Variants in RASSF3 observed in about 807,000 individuals in gnomAD.
RASSF3 encodes the protein Ras association domain family member 3.
In RASSF3, 19 loss-of-function variants were observed where a neutral mutation model predicts 19.9. That is an observed-to-expected ratio of 0.96 (90% CI 0.67 to 1.40). The LOEUF is 1.40. Among genes scored for constraint, RASSF3 ranks in the 40% most tolerant of loss-of-function variants. RASSF3 has a pLI of 0.00. For synonymous variants in RASSF3, 110 were observed against 104.2 expected, an observed-to-expected ratio of 1.06 and a Z score of -0.34; for missense variants, 306 against 289.8, an observed-to-expected ratio of 1.06 and a Z score of -0.41.
At chr12:64,562,945 T>G (rs1163757058) in intron 2 of RASSF3, among the ~76,000 whole-genome samples, 4 of 151,794 alleles carry the variant, frequency 2.6e-5, no homozygotes, top group Non-Finnish European at 5.9e-5. Flanking sequence ...TCTCTTTTTC[T>G]TACACCCCAA....
At chr12:64,608,258 C>T (rs1178676407), upstream of RASSF3, among the ~76,000 whole-genome samples, 2 of 151,984 alleles carry the variant, frequency 1.3e-5, no homozygotes, top group South Asian at 4.1e-4. Context: ...TAATCCAGTC[C>T]TTTGGAGCTT....
At chr12:64,620,450 A>AT (rs1053639533) in intron 1 of RASSF3, among the ~76,000 whole-genome samples, 1 of 152,166 alleles carries the variant, frequency 6.6e-6, no homozygotes, top group African/African-American at 2.4e-5. Flanking sequence ...ACTTTTTGCG[A>AT]TATATACCCA....
At chr12:64,508,547 T>C (rs1481438330) in intron 1 of RASSF3, among the ~76,000 whole-genome samples, 3 of 150,322 alleles carry the variant, frequency 2.0e-5, no homozygotes, top group Non-Finnish European at 4.4e-5. Flanking sequence ...GAAGTGACTA[T>C]GATCTATAAT....
Position 64,667,430 on chromosome 12 carries a change from G to A in RASSF3, c.112-17357G>A, listed in dbSNP as rs936929933. Among the ~76,000 whole-genome samples the A allele has an allele frequency of 2.6e-5, 4 of 152,178 alleles. No homozygotes were observed. In the South Asian group the frequency reaches 6.2e-4, roughly 24 times the overall value. On this transcript the variant is annotated intron_variant, in intron 1 of 4. Transcript: ENST00000542104. ...TAGCCTCTGCCTCCCAGGTTCAAGC[G>A]ATTCTCCCGCCTCAGCCTCCCAAAG...
chr12:64,665,188 G>A lies in RASSF3; in HGVS notation c.112-19599G>A, dbSNP rs530501897. Among the ~76,000 whole-genome samples, 12 of 152,212 alleles carry A rather than the reference G, an allele frequency of 7.9e-5. No homozygotes were observed. In the South Asian group the frequency reaches 2.3e-3, roughly 29 times the overall value. Reference sequence around the variant, plus strand: ...CTGGGTTAGAATCTCAGTGCCTCTCGCAACCAATTGTTTAAAATGTGGGCA... The same window carrying A: ...CTGGGTTAGAATCTCAGTGCCTCTCACAACCAATTGTTTAAAATGTGGGCA... On this transcript the variant is annotated intron_variant, in intron 1 of 4. Transcript: ENST00000542104.
At chr12:64,591,193 C>G (rs1471251629) in intron 2 of RASSF3, among the ~76,000 whole-genome samples, 1 of 152,018 alleles carries the variant, frequency 6.6e-6, no homozygotes, top group African/African-American at 2.4e-5. Flanking sequence ...AGAAGTCAAC[C>G]TGGCCGGGCG....
downstream of RASSF3, among the ~76,000 whole-genome samples, chr12:64,545,584 G>C (rs1869039192): frequency 6.6e-6 from 1 of 152,094 alleles, no homozygotes; most frequent in Non-Finnish European, 1.5e-5. Flanking sequence ...CTTCCCAATG[G>C]GTTGAGCATA....
intron 1 of RASSF3, among the ~76,000 whole-genome samples, chr12:64,627,804 T>G (rs1377424186): frequency 6.6e-6 from 1 of 152,178 alleles, no homozygotes; most frequent in African/African-American, 2.4e-5. Context: ...GGTCCTTTAT[T>G]AAATAGCAGA....
intron 2 of RASSF3, among the ~76,000 whole-genome samples, chr12:64,554,386 C>A (rs1252835064): frequency 1.3e-5 from 2 of 152,188 alleles, no homozygotes; most frequent in East Asian, 1.9e-4. Context: ...CTCACTGCAA[C>A]CTTTGCCTCC....
Position 64,593,484 on chromosome 12 carries a change from G to T in RASSF3, c.294+51779G>T, listed in dbSNP as rs906062888. ...TATCTGCCCACCTCAGCCTCCCAAA[G>T]TGCTGGGATTACAGGCATGAGCTGT... On this transcript the variant is annotated intron_variant, in intron 2 of 5. Coordinates refer to the RASSF3 transcript ENST00000637125. 3.3e-5 allele frequency among the ~76,000 whole-genome samples: 5 copies of T among 152,110 alleles called. No homozygotes were observed. The East Asian group carries it at 9.6e-4, about 29-fold the overall frequency.
upstream of RASSF3, among the ~76,000 whole-genome samples, chr12:64,529,832 G>C (rs954574919): frequency 6.6e-6 from 1 of 152,140 alleles, no homozygotes; most frequent in Non-Finnish European, 1.5e-5. Flanking sequence ...CCAACATGTT[G>C]TTCACCCAAA....
chr12:64,519,311 G>A (rs1377356939), intron 1 of RASSF3, among the ~76,000 whole-genome samples: 2 of 152,158 alleles, frequency 1.3e-5, no homozygotes, highest in Non-Finnish European at 2.9e-5. Context: ...GGAGACTGAG[G>A]CACAAGAATC....
chr12:64,532,991 C>T (rs1206535978), upstream of RASSF3, among the ~76,000 whole-genome samples: 1 of 152,226 alleles, frequency 6.6e-6, no homozygotes, highest in Non-Finnish European at 1.5e-5. Flanking sequence ...TCCACAGGCA[C>T]CTCCAATCAA....
chr12:64,564,087 G>A (rs766436175), intron 2 of RASSF3, among the ~76,000 whole-genome samples: 2 of 152,010 alleles, frequency 1.3e-5, no homozygotes, highest in East Asian at 1.9e-4. Context: ...ATGTCATTGC[G>A]GATTTTGATC....
At chr12:64,628,817 C>G (rs1014434118) in intron 1 of RASSF3, among the ~76,000 whole-genome samples, 2 of 151,990 alleles carry the variant, frequency 1.3e-5, no homozygotes, top group Non-Finnish European at 2.9e-5. Context: ...CTTTTACTTG[C>G]TTCAAGTGTC....
chr12:64,523,702 T>C (rs1170325451), intron 1 of RASSF3, among the ~76,000 whole-genome samples: 2 of 145,618 alleles, frequency 1.4e-5, no homozygotes, highest in Admixed American at 1.4e-4. Flanking sequence ...TTCAATTTAA[T>C]TTTTTTTTTT....
chr12:64,641,868 G>A (rs531960106), intron 1 of RASSF3, among the ~76,000 whole-genome samples: 10 of 151,122 alleles, frequency 6.6e-5, no homozygotes, highest in African/African-American at 1.7e-4. Context: ...TCAGCCTCCC[G>A]AGTAGCTGGG....
At chr12:64,641,086 A>T (rs1312717248) in intron 1 of RASSF3, among the ~76,000 whole-genome samples, 1 of 152,122 alleles carries the variant, frequency 6.6e-6, no homozygotes, top group South Asian at 2.1e-4. Flanking sequence ...GATCGTTTCC[A>T]TGTGACTTAG....
At chr12:64,675,287 C>T (rs969299256) in intron 1 of RASSF3, among the ~76,000 whole-genome samples, 2 of 152,066 alleles carry the variant, frequency 1.3e-5, no homozygotes, top group African/African-American at 4.8e-5. Flanking sequence ...GGTTTTCTTG[C>T]TATGTCCTTT....
Sources: allele counts gnomAD v4.1 joint callset (sites outside exome capture counted in the v4.1 genomes callset), GRCh38; gene constraint gnomAD v4.1.1; transcripts MANE v1.5; gene names NCBI Gene and HGNC (gene_info 2026-07-23, HGNC 2026-07-21).